SERGEF: variants seen among roughly 807,000 people sequenced by gnomAD.
The protein encoded by SERGEF is secretion regulating guanine nucleotide exchange factor.
In SERGEF, 51 loss-of-function variants were observed where a neutral mutation model predicts 50.0. The observed-to-expected ratio is 1.02, with a 90% CI of 0.81 to 1.29. The LOEUF (loss-of-function observed/expected upper bound fraction) is 1.29. Ranked by LOEUF, SERGEF falls within the 50% of genes most tolerant of loss-of-function variation. The pLI is 0.00. For missense variants in SERGEF, 521 were observed against 557.0 expected (o/e 0.94, Z 0.65); for synonymous variants, 205 against 212.4 (o/e 0.97, Z 0.30).
At chr11:17,936,805 C>T in intron 9 of SERGEF, among the ~76,000 whole-genome samples, 1 of 152,200 alleles carries the variant, frequency 6.6e-6, no homozygotes, top group Non-Finnish European at 1.5e-5. Flanking sequence ...GCATCTGCCC[C>T]TATACTGGTG....
rs1006287344 is a variant in SERGEF at position 17,959,914 on chromosome 11, T to C, written c.845-278A>G. On this transcript the variant is annotated intron_variant, in intron 8 of 10. Transcript: ENST00000265965. ...CTAAAGTTTCTGCTCTTGCATGTTA[T>C]ATAGATATGAATATGACTACGGATA... 2.0e-5 allele frequency among the ~76,000 whole-genome samples: 3 copies of C among 152,224 alleles called. No individual in the cohort carries two copies. The South Asian group carries it at 6.2e-4, about 32-fold the overall frequency.
intron 9 of SERGEF, among the ~76,000 whole-genome samples, chr11:17,945,830 T>C (rs367964344): frequency 1.5e-3 from 222 of 151,932 alleles, no homozygotes; most frequent in African/African-American, 5.1e-3. Context: ...ACAAAATAAT[T>C]AGCTGGGCAC....
At chr11:18,010,939 G>A (rs537750969) in intron 1 of SERGEF, among the ~76,000 whole-genome samples, 1 of 152,306 alleles carries the variant, frequency 6.6e-6, no homozygotes, top group East Asian at 1.9e-4. Context: ...CAAGGCTGCT[G>A]AACACCTGGG....
intron 10 of SERGEF, among the ~76,000 whole-genome samples, chr11:17,815,580 A>G (rs1444512853): frequency 6.7e-6 from 1 of 149,558 alleles, no homozygotes; most frequent in East Asian, 2.0e-4. Context: ...GTGCCACTGC[A>G]CTCCAGCCTG....
intron 8 of SERGEF, among the ~76,000 whole-genome samples, chr11:17,964,745 T>C (rs1371858646): frequency 6.6e-6 from 1 of 152,196 alleles, no homozygotes; most frequent in Non-Finnish European, 1.5e-5. Flanking sequence ...ATTCACCTGT[T>C]TACAAATACA....
chr11:17,875,244 C>T (rs997556539), intron 10 of SERGEF, among the ~76,000 whole-genome samples: 1 of 152,204 alleles, frequency 6.6e-6, no homozygotes, highest in Non-Finnish European at 1.5e-5. Context: ...CTATTTATTG[C>T]TGTAACCGTA....
chr11:17,976,828 C>A (rs1014016015), intron 8 of SERGEF, among the ~76,000 whole-genome samples: 8 of 152,246 alleles, frequency 5.3e-5, no homozygotes, highest in African/African-American at 1.7e-4. Flanking sequence ...CTTCCCAGAA[C>A]CATCTGGTGA....
chr11:17,894,676 T>C (rs1166746095), intron 9 of SERGEF, among the ~76,000 whole-genome samples: 2 of 152,186 alleles, frequency 1.3e-5, no homozygotes, highest in Admixed American at 6.5e-5. Flanking sequence ...CTTATCTGGG[T>C]ACCCCTTACT....
At chr11:17,842,343 T>C (rs1057499950) in intron 10 of SERGEF, among the ~76,000 whole-genome samples, 1 of 152,186 alleles carries the variant, frequency 6.6e-6, no homozygotes, top group Non-Finnish European at 1.5e-5. Context: ...GTTGATATTT[T>C]TGCCACCTCT....
At chr11:17,823,361 T>C (rs577181358) in intron 10 of SERGEF, among the ~76,000 whole-genome samples, 6 of 152,258 alleles carry the variant, frequency 3.9e-5, no homozygotes, top group African/African-American at 1.4e-4. Context: ...TTTGCCAGGT[T>C]TCTCCACTGT....
chr11:17,791,554 T>C (rs555593977), intron 10 of SERGEF, among the ~76,000 whole-genome samples: 31 of 152,358 alleles, frequency 2.0e-4, no homozygotes, highest in African/African-American at 7.2e-4. Flanking sequence ...GTTTATCAGA[T>C]ATTTATATTT....
At chr11:17,962,782 T>C (rs763335983) in intron 8 of SERGEF, among the ~76,000 whole-genome samples, 2 of 152,040 alleles carry the variant, frequency 1.3e-5, no homozygotes, top group Non-Finnish European at 2.9e-5. Flanking sequence ...CTGGCAGGCT[T>C]GAGGGAACAA....
chr11:17,821,769 C>T (rs572582943), intron 10 of SERGEF, among the ~76,000 whole-genome samples: 1 of 152,286 alleles, frequency 6.6e-6, no homozygotes, highest in East Asian at 1.9e-4. Flanking sequence ...ACATTGCACT[C>T]TAATCATGTG....
chr11:18,006,481 T>C, intron 3 of SERGEF, 110 bp downstream of exon 3: 1 of 1,115,908 alleles, frequency 9.0e-7, no homozygotes, highest in South Asian at 1.5e-5. Flanking sequence ...AGGCCTTATG[T>C]GTGCTTTTTA....
chr11:17,825,820 G>A (rs1312710693), intron 10 of SERGEF, among the ~76,000 whole-genome samples: 4 of 152,088 alleles, frequency 2.6e-5, no homozygotes, highest in Admixed American at 6.5e-5. Flanking sequence ...CCTAGAAAAG[G>A]GCCAGGGTAT....
chr11:17,868,882 G>A (rs1333621751), intron 10 of SERGEF, among the ~76,000 whole-genome samples: 2 of 152,134 alleles, frequency 1.3e-5, no homozygotes, highest in Non-Finnish European at 2.9e-5. Flanking sequence ...AACAGCATGA[G>A]AAAGACCTGC....
intron 1 of SERGEF, 151 bp downstream of exon 1, chr11:18,012,782 CGCCCGCTCCTCCTCCGCT>C: frequency 6.6e-6 from 7 of 1,055,242 alleles, no homozygotes; most frequent in Non-Finnish European, 9.5e-6. Context: ...CTTCCCCGCC[CGCCCGCTCCTCCTCCGCT>C]CCCCCTCCGC....
At chr11:18,005,514 A>G (rs1466181431) in intron 3 of SERGEF, among the ~76,000 whole-genome samples, 1 of 152,220 alleles carries the variant, frequency 6.6e-6, no homozygotes, top group Non-Finnish European at 1.5e-5. Context: ...CAGAAGGCCA[A>G]CGCTAAAAAG....
chr11:17,953,555 G>T (rs1254138112), intron 9 of SERGEF, among the ~76,000 whole-genome samples: 5 of 152,320 alleles, frequency 3.3e-5, no homozygotes, highest in Admixed American at 3.3e-4. Flanking sequence ...AAACTGGCCT[G>T]GGATTGAGAA....
Sources: gnomAD v4.1 joint callset for allele counts (sites outside exome capture counted in the v4.1 genomes callset) on GRCh38, gnomAD v4.1.1 for gene constraint, MANE v1.5 for transcripts, NCBI Gene and HGNC (gene_info 2026-07-23, HGNC 2026-07-21) for gene names.